Variants in FAT3 observed in about 807,000 individuals in gnomAD.
FAT3 encodes the protein protocadherin Fat 3.
In FAT3, 95 loss-of-function variants were observed where a neutral mutation model predicts 310.2. The ratio of observed to expected loss-of-function variants is 0.31; its 90% confidence interval spans 0.26 to 0.36. The LOEUF is 0.36. Among genes scored for constraint, FAT3 ranks in the 10% least tolerant of loss-of-function variants. The pLI is 1.00. For missense variants in FAT3, 5,408 were observed against 5,715.6 expected (o/e 0.95, Z 1.74); for synonymous variants, 2,314 against 2,192.9 (o/e 1.06, Z -1.54).
At chr11:92,499,651 T>C (rs1167271822) in intron 2 of FAT3, among the ~76,000 whole-genome samples, 1 of 151,950 alleles carries the variant, frequency 6.6e-6, no homozygotes, top group Non-Finnish European at 1.5e-5. Flanking sequence ...AGCTTGGCTA[T>C]GTTGTTCACA....
chr11:92,727,994 G>GT lies in FAT3; in HGVS notation c.3669+30549_3669+30550insT, dbSNP rs151235001. On this transcript the variant is annotated intron_variant, in intron 4 of 27. Transcript: ENST00000525166. ...GCTTTGAGAGAGCATGCTGGCCAGT[G>GT]GTGGCACTCCTGTGCCTCTGCACAA... Among the ~76,000 whole-genome samples, 1,339 of 152,298 alleles carry GT rather than the reference G, an allele frequency of 8.8e-3. 17 individuals are homozygous for GT. The highest frequency in any genetic ancestry group is 0.031 in the African/African-American group (1,270 of 41,562).
At chr11:92,759,918 T>C (rs891045875) in intron 4 of FAT3, among the ~76,000 whole-genome samples, 3 of 152,058 alleles carry the variant, frequency 2.0e-5, no homozygotes, top group African/African-American at 4.8e-5. Context: ...TTGTGCACGA[T>C]GAAGACATTG....
At chr11:92,860,761 A>C (rs1949100562) in intron 21 of FAT3, among the ~76,000 whole-genome samples, 1 of 152,212 alleles carries the variant, frequency 6.6e-6, no homozygotes, top group South Asian at 2.1e-4. Flanking sequence ...AATAGAGAAC[A>C]TTAAATGCCA....
chr11:92,588,386 A>G (rs899306707), intron 3 of FAT3, among the ~76,000 whole-genome samples: 2 of 151,952 alleles, frequency 1.3e-5, no homozygotes, highest in African/African-American at 2.4e-5. Flanking sequence ...CCAGTTACAC[A>G]TGTAACAGAA....
intron 3 of FAT3, among the ~76,000 whole-genome samples, chr11:92,528,524 C>T (rs1181557166): frequency 6.6e-6 from 1 of 152,166 alleles, no homozygotes; most frequent in Non-Finnish European, 1.5e-5. Flanking sequence ...GTAGCTGGGA[C>T]TACAGGCGCC....
intron 3 of FAT3, among the ~76,000 whole-genome samples, chr11:92,536,227 A>G (rs534020777): frequency 7.2e-4 from 109 of 152,346 alleles, no homozygotes; most frequent in African/African-American, 2.5e-3. Context: ...TAACAATAAA[A>G]TTATAAAACC....
intron 1 of FAT3, among the ~76,000 whole-genome samples, chr11:92,350,618 C>A (rs1565246062): frequency 6.6e-6 from 1 of 152,038 alleles, no homozygotes; most frequent in Non-Finnish European, 1.5e-5. Context: ...GGTCTGAGAT[C>A]CTGCTTTACT....
At chr11:92,809,456 G>C (rs1490593703) in intron 12 of FAT3, among the ~76,000 whole-genome samples, 1 of 152,200 alleles carries the variant, frequency 6.6e-6, no homozygotes, top group Non-Finnish European at 1.5e-5. Flanking sequence ...CAGAGAACCA[G>C]ATATACCAGT....
rs562677727 is a variant in FAT3 at position 92,510,537 on chromosome 11, A to G, written c.3293-14097A>G. Among the ~76,000 whole-genome samples the G allele has an allele frequency of 2.6e-5, 4 of 152,244 alleles. No individual in the cohort carries two copies. The South Asian group carries it at 8.3e-4, about 32-fold the overall frequency. On this transcript the variant is annotated intron_variant, in intron 2 of 27. Transcript: ENST00000525166. ...CACAGACAAGAGTTTTTATAGAGAG[A>G]AGAGGTGTGCATTTGGAATCCTATA... is the stretch of plus-strand genomic sequence containing the variant.
chr11:92,488,606 A>G (rs902312639), intron 2 of FAT3, among the ~76,000 whole-genome samples: 4 of 151,868 alleles, frequency 2.6e-5, no homozygotes, highest in South Asian at 2.1e-4. Flanking sequence ...ATCCCATTAT[A>G]TCCTACTTGT....
At chr11:92,463,848 G>T (rs1591323239) in intron 2 of FAT3, among the ~76,000 whole-genome samples, 1 of 152,174 alleles carries the variant, frequency 6.6e-6, no homozygotes, top group African/African-American at 2.4e-5. Flanking sequence ...ACCCCTTTCT[G>T]TCGGTGTGAC....
intron 13 of FAT3, among the ~76,000 whole-genome samples, chr11:92,822,403 C>A (rs1396752135): frequency 6.6e-5 from 10 of 152,050 alleles, no homozygotes; most frequent in Non-Finnish European, 1.2e-4. Flanking sequence ...TAAGGCAGTA[C>A]TAATATAGCT....
In FAT3 at chr11:92,296,191, C is replaced by T. The variant is rs185518856; in HGVS notation, c.-17-55905C>T. Among the ~76,000 whole-genome samples, 382 of 152,190 alleles carry T rather than the reference C, an allele frequency of 2.5e-3. 1 individual carries two copies. Among genetic ancestry groups the T allele is most frequent in the Non-Finnish European group, 2.5e-3 (171 of 68,000 alleles). On this transcript the variant is annotated intron_variant, in intron 1 of 27. Coordinates refer to ENST00000525166, the MANE Select transcript of FAT3 (RefSeq NM_001367949.2). ...AAATCTCAGAATTCCACTTCTAATT[C>T]CTACACGGTCTTTGGGAAGCAGTAC...
chr11:92,371,525 T>C (rs1449261156), intron 2 of FAT3, among the ~76,000 whole-genome samples: 1 of 152,084 alleles, frequency 6.6e-6, no homozygotes, highest in Non-Finnish European at 1.5e-5. Flanking sequence ...AGACCAGCCT[T>C]GCCAACATGG....
At position 92,844,603 on chromosome 11, in the gene FAT3, C is replaced by T. The variant is rs374084434; in HGVS notation, c.11236C>T (p.Leu3746=). ...SAILEKNCSG[L]DCQEQHCEQG... ...CATCTTGGAGAAGAACTGCTCAGGG[C>T]TGGACTGTCAGGAACAGCATTGTGA... is the stretch of plus-strand genomic sequence containing the variant. The change falls in exon 19 of 28, where the codon CTG becomes TTG. Residue 3746 remains leucine, a synonymous_variant. Transcript: ENST00000525166. 8.7e-6 allele frequency: 14 copies of T among 1,613,792 alleles called. No individual in the cohort carries two copies. Among genetic ancestry groups the T allele is most frequent in the Admixed American group, 6.7e-5 (4 of 60,018 alleles).
intron 3 of FAT3, among the ~76,000 whole-genome samples, chr11:92,623,209 C>G (rs1941167994): frequency 7.3e-6 from 1 of 137,038 alleles, no homozygotes; most frequent in Non-Finnish European, 1.6e-5. Context: ...TTAGTCAAAT[C>G]TGACTAAATG....
chr11:92,799,088 G>A lies in FAT3; in HGVS notation c.6075G>A (p.Lys2025=). The change falls in exon 10 of 28, where the codon AAG becomes AAA. Residue 2025 remains lysine, a synonymous_variant. Transcript: ENST00000525166. Reference sequence around the variant, plus strand: ...ACAGCATCTTAAACCCAGGAAATAAGTTCAAGATAAAATCTACCTCAGGGG... The same window carrying A: ...ACAGCATCTTAAACCCAGGAAATAAATTCAAGATAAAATCTACCTCAGGGG... ...LKYSILNPGN[K]FKIKSTSGVI... 3 of 1,613,898 alleles carry A rather than the reference G, an allele frequency of 1.9e-6. No individual in the cohort carries two copies. Among genetic ancestry groups the A allele is most frequent in the Non-Finnish European group, 1.7e-6 (2 of 1,179,860 alleles).
intron 2 of FAT3, among the ~76,000 whole-genome samples, chr11:92,501,950 G>A (rs953493687): frequency 1.6e-4 from 24 of 151,622 alleles, no homozygotes; most frequent in African/African-American, 5.8e-4. Flanking sequence ...ACAACTTAAT[G>A]AGAGGAGCAA....
intron 2 of FAT3, among the ~76,000 whole-genome samples, chr11:92,473,743 C>T (rs1193179945): frequency 2.0e-5 from 3 of 152,304 alleles, no homozygotes; most frequent in Non-Finnish European, 2.9e-5. Context: ...AGCAAACCCT[C>T]TCACAGAGAA....
Sources: allele counts gnomAD v4.1 joint callset (sites outside exome capture counted in the v4.1 genomes callset), GRCh38; gene constraint gnomAD v4.1.1; transcripts MANE v1.5; gene names NCBI Gene and HGNC (gene_info 2026-07-23, HGNC 2026-07-21).